The following HMCN2 variants were observed in gnomAD, a reference collection of about 807,000 sequenced individuals.
HMCN2 encodes the protein hemicentin-2.
HMCN2 carries 325 observed loss-of-function variants against 377.5 expected under a neutral mutation model. That is an observed-to-expected ratio of 0.86 (90% CI 0.79 to 0.94). HMCN2 has a LOEUF of 0.94. Ranked by LOEUF, HMCN2 falls within the 40% of genes least tolerant of loss-of-function variation. The pLI, the probability that HMCN2 is intolerant of heterozygous loss-of-function variation, is 0.00. For synonymous variants in HMCN2, 2,007 were observed against 2,046.8 expected (o/e 0.98, Z 0.53); for missense variants, 4,543 against 4,725.3 (o/e 0.96, Z 1.13).
At position 130,376,548 on chromosome 9, in the gene HMCN2, GC is replaced by G. The variant is rs1298349470; in HGVS notation, c.7952del (p.Ala2651GlyfsTer5). On this transcript the variant is annotated frameshift_variant, in exon 52 of 98. Coordinates refer to ENST00000683500, the MANE Select transcript of HMCN2 (RefSeq NM_001291815.2). LOFTEE classifies it high-confidence loss of function. ...TTCCATCTCCAAAGACGACCCCTTG[GC>G]GGAGGTCGGCGTGAAGGAGGTGAAG... The part of the protein sequence containing the change: ...PPSISKDDPL[A>X]EVGVKEVKTK... 3 of 985,734 alleles carry G rather than the reference GC, an allele frequency of 3.0e-6. No homozygotes were observed. Among genetic ancestry groups the G allele is most frequent in the African/African-American group, 3.5e-5 (2 of 57,224 alleles). 61.1% of individuals were successfully genotyped at this position (985,734 alleles called of 1,614,324 possible).
intron 58 of HMCN2, 57 bp downstream of exon 58, chr9:130,384,591 C>T: frequency 1.5e-6 from 2 of 1,302,530 alleles, no homozygotes; most frequent in Non-Finnish European, 2.0e-6. Context: ...GAGAGTTGCT[C>T]CCCCGACCTG....
chr9:130,357,059 A>AGGATGGATGGAT (rs201419400), intron 34 of HMCN2, among the ~76,000 whole-genome samples: 393 of 106,154 alleles, frequency 3.7e-3, no homozygotes, highest in Non-Finnish European at 5.0e-3. Context: ...GATAGAAGGG[A>AGGATGGATGGAT]GGATGGATGG....
In HMCN2 at chr9:130,427,493, C is replaced by G; in HGVS notation, c.13943-4C>G. The G allele has an allele frequency of 6.4e-7, 1 of 1,550,398 alleles. No individual in the cohort carries two copies. Among genetic ancestry groups the G allele is most frequent in the South Asian group, 1.2e-5 (1 of 84,038 alleles). ...GGAGACCACCAGACCCCTTCCTGCC[C>G]CAGACAGGGACGAGTGCTCAGGAGG... is the stretch of plus-strand genomic sequence containing the variant. On this transcript the variant is annotated splice_polypyrimidine_tract_variant and splice_region_variant and intron_variant, in intron 91 of 97. Transcript: ENST00000683500.
At chr9:130,325,073 C>A (rs1437824360) in intron 19 of HMCN2, among the ~76,000 whole-genome samples, 1 of 139,946 alleles carries the variant, frequency 7.1e-6, no homozygotes, top group Non-Finnish European at 1.5e-5. Context: ...CTAGTTTTGT[C>A]TTTTCTTCTT....
chr9:130,356,542 C>G (rs1435062195), intron 34 of HMCN2, among the ~76,000 whole-genome samples: 7 of 152,262 alleles, frequency 4.6e-5, no homozygotes, highest in Admixed American at 3.3e-4. Context: ...TATATCAACC[C>G]TCTTTCTCTT....
intron 29 of HMCN2, among the ~76,000 whole-genome samples, chr9:130,350,378 CAAAAAAATACAAA>C (rs1211185741): frequency 4.0e-5 from 3 of 74,738 alleles, no homozygotes; most frequent in South Asian, 5.9e-4. Context: ...GCTAAAAATA[CAAAAAAATACAAA>C]AAAAAAAAAA....
At chr9:130,336,549 A>AT (rs1838756139) in intron 22 of HMCN2, among the ~76,000 whole-genome samples, 1 of 152,196 alleles carries the variant, frequency 6.6e-6, no homozygotes, top group Non-Finnish European at 1.5e-5. Flanking sequence ...AACCTCACAC[A>AT]GCTAGCGCAT....
Position 130,351,692 on chromosome 9 carries a change from T to G in HMCN2, c.4585+115T>G. On this transcript the variant is annotated intron_variant, in intron 30 of 97. Transcript: ENST00000683500. The surrounding 1 kb of genome is among the most constrained non-coding windows in gnomAD (Gnocchi z 5.4). ...CTGAAATGGGGGACCTGGTGAGTGA[T>G]CCCTGAGTCCAAGAAAGCTGGGGGC... The G allele has an allele frequency of 2.7e-5, 21 of 768,350 alleles. No homozygotes were observed. The highest frequency in any genetic ancestry group is 3.8e-5 in the Non-Finnish European group (21 of 556,266). 47.6% of individuals were successfully genotyped at this position (768,350 alleles called of 1,614,324 possible).
chr9:130,370,863 C>A, intron 45 of HMCN2, 101 bp from the exon 46 acceptor site: 1 of 703,138 alleles, frequency 1.4e-6, no homozygotes, highest in Non-Finnish European at 1.7e-6. Context: ...CAGACTCTCC[C>A]AATTGGGTGG....
At chr9:130,331,170 A>AG (rs1289940390) in intron 22 of HMCN2, among the ~76,000 whole-genome samples, 3 of 151,332 alleles carry the variant, frequency 2.0e-5, no homozygotes, top group Non-Finnish European at 4.4e-5. Context: ...AAAAAAAAAA[A>AG]AGGACAAAGT....
In HMCN2 at chr9:130,422,567, T is replaced by G; in HGVS notation, c.13232-10T>G. On this transcript the variant is annotated splice_polypyrimidine_tract_variant and intron_variant, in intron 86 of 97. Transcript: ENST00000683500. This position sits in a 1 kb window ranked among gnomAD's most constrained non-coding sequence, Gnocchi z 4.2. ...GTCAGTGGCACTGTCATTCTTTCCC[T>G]TCCTTACAGGGGAGCCCCAGGGGAG... 1 of 1,316,528 alleles carries G rather than the reference T, an allele frequency of 7.6e-7. No homozygotes were observed. Among genetic ancestry groups the G allele is most frequent in the Non-Finnish European group, 9.7e-7 (1 of 1,026,256 alleles). The allele number at this position is 1,316,528 out of a possible 1,614,324, so 81.6% of individuals were successfully genotyped here. A position where few individuals can be genotyped will look rare whatever the true frequency, so the allele number is the denominator to read the frequency against.
Position 130,382,763 on chromosome 9 carries a change from C to T in HMCN2, c.8630C>T (p.Pro2877Leu), listed in dbSNP as rs1841800543. 4 of 985,930 alleles carry T rather than the reference C, an allele frequency of 4.1e-6. No homozygotes were observed. The highest frequency in any genetic ancestry group is 4.7e-5 in the South Asian group (1 of 21,286). 61.1% of individuals were successfully genotyped at this position (985,930 alleles called of 1,614,324 possible). A position where few individuals can be genotyped will look rare whatever the true frequency, so the allele number is the denominator to read the frequency against. ...NASSTVSLQC[P>L]ALGNPVPTIS... ...AGCAGCACCGTCAGCCTGCAGTGCC[C>T]GGCCCTGGGAAACCCCGTGCCCACC... is the stretch of plus-strand genomic sequence containing the variant. Residue 2877 changes from proline to leucine, a missense_variant, in exon 56 of 98, where the codon CCG (proline) becomes CTG (leucine). By Grantham distance (98) the Pro-to-Leu change is moderately conservative. Transcript: ENST00000683500.
intron 28 of HMCN2, 104 bp downstream of exon 28, chr9:130,349,235 A>AG (rs1274852289): frequency 5.2e-6 from 6 of 1,163,464 alleles, no homozygotes; most frequent in Non-Finnish European, 6.7e-6. Context: ...TGCGGAGAGC[A>AG]GGGGGCACAG....
chr9:130,338,256 G>A, intron 23 of HMCN2: 1 of 152,722 alleles, frequency 6.5e-6, no homozygotes. Flanking sequence ...AGGGGTCCTG[G>A]AGACGCTGTT....
At chr9:130,337,282 T>TG in intron 22 of HMCN2, among the ~76,000 whole-genome samples, 1 of 151,770 alleles carries the variant, frequency 6.6e-6, no homozygotes, top group East Asian at 1.9e-4. Context: ...GCAGCAGGGG[T>TG]GGGGGCTCCA....
At chr9:130,383,627 T>TGTGG (rs1385738588) in intron 57 of HMCN2, 27 bp downstream of exon 57, 1 of 967,700 alleles carries the variant, frequency 1.0e-6, no homozygotes, top group Non-Finnish European at 1.2e-6. Flanking sequence ...AGGCAGCCCC[T>TGTGG]GTGGGTTCCT....
chr9:130,369,940 G>A lies in HMCN2; in HGVS notation c.7069+89G>A. 12 of 790,836 alleles carry A rather than the reference G, an allele frequency of 1.5e-5. No individual in the cohort carries two copies. Among genetic ancestry groups the A allele is most frequent in the Non-Finnish European group, 1.8e-5 (12 of 652,098 alleles). The allele number at this position is 790,836 out of a possible 1,614,324, so 49.0% of individuals were successfully genotyped here. On this transcript the variant is annotated intron_variant, in intron 45 of 97. Transcript: ENST00000683500. This position sits in a 1 kb window ranked among gnomAD's most constrained non-coding sequence, Gnocchi z 4.5. ...AATCTCCAGGCACGGCCCTCAGGCT[G>A]TGATCCTGGGGTCACACCTGTTCTT...
Position 130,285,316 on chromosome 9 carries a change from G to A in HMCN2, c.489G>A (p.Gln163=), listed in dbSNP as rs2131278640. The change falls in exon 3 of 98, where the codon CAG becomes CAA. Residue 163 remains glutamine (Q), a splice_region_variant and synonymous_variant. Transcript: ENST00000683500. ...GGCTCCTGCAGCTCAAGCAATCACA[G>A]GTGGGTGAGCCGGCTGTGGGGGCCC... ...LLRLLQLKQS[Q]VVFVLTGDCG... is the part of the protein sequence containing the mutation. 1 of 471,106 alleles carries A rather than the reference G, an allele frequency of 2.1e-6. No individual in the cohort carries two copies. The highest frequency in any genetic ancestry group is 1.5e-5 in the South Asian group (1 of 64,566). 29.2% of individuals were successfully genotyped at this position (471,106 alleles called of 1,614,324 possible).
Position 130,375,647 on chromosome 9 carries a change from G to A in HMCN2, c.7715G>A (p.Cys2572Tyr). Residue 2572 changes from cysteine to tyrosine, a missense_variant, in exon 50 of 98, where the codon TGC becomes TAC. By Grantham distance (194) the Cys-to-Tyr change is radical (BLOSUM62 -2). This residue lies in a region of HMCN2 where 736 missense variants were observed against 773.2 expected (regional missense o/e 0.95). Coordinates refer to ENST00000683500, the MANE Select transcript of HMCN2 (RefSeq NM_001291815.2). ...GTCAACAACCCCATCTCTCTGATCTGCGAGGCCCTGGCCTTCCCTTCCCCC... is the reference window on the plus strand; with the variant it reads ...GTCAACAACCCCATCTCTCTGATCTACGAGGCCCTGGCCTTCCCTTCCCCC... ...VTVNNPISLI[C>Y]EALAFPSPNI... 1.0e-6 allele frequency: 1 copy of A among 985,946 alleles called. No homozygotes were observed. The highest frequency in any genetic ancestry group is 1.2e-6 in the Non-Finnish European group (1 of 829,990). 61.1% of individuals were successfully genotyped at this position (985,946 alleles called of 1,614,324 possible).
Sources: allele counts gnomAD v4.1 joint callset (sites outside exome capture counted in the v4.1 genomes callset), GRCh38; gene constraint gnomAD v4.1.1; regional missense constraint gnomAD v4.1.1; non-coding constraint Gnocchi (gnomAD v3.1); transcripts MANE v1.5; gene names NCBI Gene and HGNC (gene_info 2026-07-23, HGNC 2026-07-21).